Variants in CDH13 observed in about 807,000 individuals in gnomAD.
CDH13 encodes cadherin 13, also known as cadherin-13.
A neutral mutation model predicts 63.8 loss-of-function variants in CDH13; 24 were observed. The ratio of observed to expected loss-of-function variants is 0.38; its 90% CI spans 0.27 to 0.53. The LOEUF (loss-of-function observed/expected upper bound fraction) is 0.53. Ranked by LOEUF, CDH13 falls within the 20% of genes least tolerant of loss-of-function variation. The pLI is 0.85. For synonymous variants in CDH13, 503 were observed against 355.3 expected (o/e 1.42, Z -4.67); for missense variants, 1,049 against 903.1 (o/e 1.16, Z -2.07).
At chr16:83,508,679 G>C (rs1460066787) in intron 7 of CDH13, among the ~76,000 whole-genome samples, 1 of 152,146 alleles carries the variant, frequency 6.6e-6, no homozygotes, top group Non-Finnish European at 1.5e-5. Context: ...TGTCCACAGA[G>C]ATAATCTGCC....
At chr16:83,215,117 C>G (rs1005512729) in intron 4 of CDH13, among the ~76,000 whole-genome samples, 2 of 107,454 alleles carry the variant, frequency 1.9e-5, no homozygotes, top group East Asian at 6.5e-4. Context: ...TACTCTGTCA[C>G]TCAGGCTAGA....
intron 4 of CDH13, among the ~76,000 whole-genome samples, chr16:83,173,336 A>T (rs9927206): frequency 0.083 from 12,556 of 152,148 alleles, 634 homozygotes; most frequent in Middle Eastern, 0.15. Flanking sequence ...GTTAAAGAGA[A>T]TTGGAATATT....
chr16:82,748,780 C>T (rs1349057593), intron 1 of CDH13, among the ~76,000 whole-genome samples: 3 of 152,132 alleles, frequency 2.0e-5, no homozygotes, highest in Non-Finnish European at 4.4e-5. Flanking sequence ...TGGTAGAAGA[C>T]CTGTGGATTG....
intron 1 of CDH13, among the ~76,000 whole-genome samples, chr16:82,670,395 C>T (rs1286967466): frequency 1.3e-5 from 2 of 152,146 alleles, no homozygotes; most frequent in East Asian, 3.8e-4. Flanking sequence ...CCTTCACGCA[C>T]CTATGGGTGT....
In CDH13 at chr16:83,387,543, C is replaced by T. The variant is rs144834347; in HGVS notation, c.781+42537C>T. Among the ~76,000 whole-genome samples the T allele has an allele frequency of 5.3e-3, 809 of 152,256 alleles. 4 individuals are homozygous for T. The highest frequency in any genetic ancestry group is 0.01 in the Middle Eastern group (3 of 294). On this transcript the variant is annotated intron_variant, in intron 6 of 13. Coordinates refer to ENST00000567109, the MANE Select transcript of CDH13 (RefSeq NM_001257.5). ...TTTAAAGTAAATGAACTGAACAAAC[C>T]TCCTCCCTTAAATAGTGCTCAGAAA...
intron 8 of CDH13, among the ~76,000 whole-genome samples, chr16:83,620,389 C>CAA (rs60446363): frequency 0.035 from 3,418 of 97,056 alleles, 181 homozygotes; most frequent in East Asian, 0.28. Context: ...GACTCCGTCT[C>CAA]AAAAAAAAAA....
At chr16:82,873,577 C>G (rs1292931753) in intron 2 of CDH13, among the ~76,000 whole-genome samples, 1 of 152,134 alleles carries the variant, frequency 6.6e-6, no homozygotes, top group Non-Finnish European at 1.5e-5. Flanking sequence ...TTAAGCTACC[C>G]AAACTTCCAG....
At chr16:82,751,295 C>G (rs2034404233) in intron 1 of CDH13, among the ~76,000 whole-genome samples, 1 of 152,148 alleles carries the variant, frequency 6.6e-6, no homozygotes, top group Non-Finnish European at 1.5e-5. Flanking sequence ...CATCACTACC[C>G]TGAAATTCTT....
At chr16:82,998,786 C>T (rs1473607147) in intron 2 of CDH13, among the ~76,000 whole-genome samples, 1 of 151,492 alleles carries the variant, frequency 6.6e-6, no homozygotes, top group African/African-American at 2.4e-5. Flanking sequence ...AGGGGTTTCA[C>T]AGGCTCCCCT....
intron 2 of CDH13, among the ~76,000 whole-genome samples, chr16:82,944,581 G>A (rs1567682391): frequency 6.6e-6 from 1 of 152,136 alleles, no homozygotes; most frequent in Admixed American, 6.5e-5. Context: ...GCATCTAGTG[G>A]GTGAAGGCCA....
At chr16:83,651,982 G>A (rs994282186) in intron 8 of CDH13, among the ~76,000 whole-genome samples, 2 of 152,176 alleles carry the variant, frequency 1.3e-5, no homozygotes, top group African/African-American at 2.4e-5. Flanking sequence ...CCTGTGATGA[G>A]AGCCCAGGAG....
chr16:83,508,559 A>C (rs1269575980), intron 7 of CDH13, among the ~76,000 whole-genome samples: 2 of 152,110 alleles, frequency 1.3e-5, no homozygotes, highest in African/African-American at 4.8e-5. Context: ...TCAGCCTTTG[A>C]GTGGCAAGAG....
At chr16:83,575,876 T>C (rs1905054231) in intron 7 of CDH13, among the ~76,000 whole-genome samples, 1 of 152,232 alleles carries the variant, frequency 6.6e-6, no homozygotes, top group African/African-American at 2.4e-5. Context: ...TCACTCACCT[T>C]TGTACCCCCA....
chr16:82,723,266 A>G (rs982837872), intron 1 of CDH13, among the ~76,000 whole-genome samples: 2 of 152,062 alleles, frequency 1.3e-5, no homozygotes, highest in South Asian at 2.1e-4. Context: ...TTATCCTTGT[A>G]TTTCATCTGC....
rs2035993150 is a variant in CDH13 at position 82,786,168 on chromosome 16, G to A, written c.46-72194G>A. ...CAGGGTGGAGTAGGTAATGGAAAAC[G>A]GTTGCTTTACGAGGAAGTTAAGTTT... is the stretch of plus-strand genomic sequence containing the variant. On this transcript the variant is annotated intron_variant, in intron 1 of 13. Coordinates refer to ENST00000567109, the MANE Select transcript of CDH13 (RefSeq NM_001257.5). 3.3e-5 allele frequency among the ~76,000 whole-genome samples: 5 copies of A among 152,248 alleles called. No homozygotes were observed. In the South Asian group the frequency reaches 6.2e-4, roughly 19 times the overall value.
At chr16:83,094,895 A>C (rs1446826153) in intron 3 of CDH13, among the ~76,000 whole-genome samples, 1 of 152,208 alleles carries the variant, frequency 6.6e-6, no homozygotes, top group African/African-American at 2.4e-5. Flanking sequence ...CCTCAATCAC[A>C]ATTAACTCTG....
At chr16:83,266,024 C>A (rs1300781531) in intron 5 of CDH13, among the ~76,000 whole-genome samples, 1 of 152,092 alleles carries the variant, frequency 6.6e-6, no homozygotes, top group Non-Finnish European at 1.5e-5. Context: ...GCACCCTCTG[C>A]CTCCCAGCTT....
intron 7 of CDH13, among the ~76,000 whole-genome samples, chr16:83,542,454 T>C (rs1360900757): frequency 1.3e-5 from 2 of 152,202 alleles, no homozygotes; most frequent in African/African-American, 4.8e-5. Flanking sequence ...ATGTCTGGCA[T>C]AGGGACCAAT....
At chr16:83,397,356 T>G (rs1452927698) in intron 6 of CDH13, 2 of 152,232 alleles carry the variant, frequency 1.3e-5, no homozygotes, top group Non-Finnish European at 2.9e-5. Context: ...TTTGTCTTGG[T>G]GCATTTGATT....
Sources: allele counts gnomAD v4.1 joint callset (sites outside exome capture counted in the v4.1 genomes callset), GRCh38; gene constraint gnomAD v4.1.1; transcripts MANE v1.5; gene names NCBI Gene and HGNC (gene_info 2026-07-23, HGNC 2026-07-21).